CACNA2D3: variants seen among roughly 807,000 people sequenced by gnomAD.
CACNA2D3 encodes the protein voltage-dependent calcium channel subunit alpha-2/delta-3.
CACNA2D3 carries 60 observed loss-of-function variants against 160.6 expected under a neutral mutation model. The observed-to-expected ratio is 0.37, with a 90% CI of 0.30 to 0.46. The LOEUF is 0.46. Among genes scored for constraint, CACNA2D3 ranks in the 20% least tolerant of loss-of-function variants. The pLI, the probability that CACNA2D3 is intolerant of heterozygous loss-of-function variation, is 1.00. For missense variants in CACNA2D3, 1,205 were observed against 1,365.0 expected, an observed-to-expected ratio of 0.88 and a Z score of 1.85; for synonymous variants, 558 against 492.9, an observed-to-expected ratio of 1.13 and a Z score of -1.75.
At chr3:55,014,205 T>C (rs964771337) in intron 34 of CACNA2D3, among the ~76,000 whole-genome samples, 1 of 152,208 alleles carries the variant, frequency 6.6e-6, no homozygotes, top group Non-Finnish European at 1.5e-5. Context: ...GGGTTTGGCA[T>C]GTAGTAAGTG....
At chr3:54,562,710 G>A (rs757961741) in intron 5 of CACNA2D3, 90 bp from the exon 6 acceptor site, 7 of 1,108,028 alleles carry the variant, frequency 6.3e-6, no homozygotes, top group Admixed American at 5.9e-5. Context: ...AGTACCTTGT[G>A]CCAGTATCTG....
intron 4 of CACNA2D3, among the ~76,000 whole-genome samples, chr3:54,427,309 G>A (rs978309567): frequency 2.6e-5 from 4 of 152,022 alleles, no homozygotes; most frequent in East Asian, 1.9e-4. Context: ...CAAACATCTC[G>A]GACACATGTG....
chr3:54,857,812 C>T (rs1349249975), intron 17 of CACNA2D3, among the ~76,000 whole-genome samples: 2 of 152,108 alleles, frequency 1.3e-5, no homozygotes, highest in Non-Finnish European at 2.9e-5. Context: ...AACACCATGG[C>T]GTTGAGCATG....
At chr3:54,778,360 G>A (rs1188401237) in intron 13 of CACNA2D3, among the ~76,000 whole-genome samples, 1 of 151,894 alleles carries the variant, frequency 6.6e-6, no homozygotes, top group Non-Finnish European at 1.5e-5. Flanking sequence ...CACATTTATA[G>A]TCTCTAGAAC....
At chr3:54,498,002 A>G (rs1284003342) in intron 4 of CACNA2D3, among the ~76,000 whole-genome samples, 1 of 151,396 alleles carries the variant, frequency 6.6e-6, no homozygotes, top group Non-Finnish European at 1.5e-5. Context: ...AAATTTTGTT[A>G]AGATTTTTGT....
chr3:54,920,371 A>G (rs1165045416), intron 27 of CACNA2D3, among the ~76,000 whole-genome samples: 2 of 152,192 alleles, frequency 1.3e-5, no homozygotes, highest in East Asian at 1.9e-4. Flanking sequence ...AATTCAACCC[A>G]TGTCCTTTTT....
chr3:54,428,638 C>T (rs1222882049), intron 4 of CACNA2D3, among the ~76,000 whole-genome samples: 3 of 151,630 alleles, frequency 2.0e-5, no homozygotes, highest in Non-Finnish European at 4.4e-5. Flanking sequence ...CCCAAATGGG[C>T]CTTATTTCTG....
intron 2 of CACNA2D3, among the ~76,000 whole-genome samples, chr3:54,145,873 G>A (rs972065767): frequency 8.5e-5 from 13 of 152,110 alleles, no homozygotes; most frequent in South Asian, 2.1e-4. Context: ...TAGCCTTCAC[G>A]TCTCTTAATA....
At chr3:54,265,610 GTGTGTA>G (rs1575353963) in intron 2 of CACNA2D3, among the ~76,000 whole-genome samples, 1 of 132,036 alleles carries the variant, frequency 7.6e-6, no homozygotes, top group East Asian at 2.2e-4. Flanking sequence ...TATATATATA[GTGTGTA>G]TATATATATA....
chr3:54,728,370 A>G (rs1381631693), intron 11 of CACNA2D3, among the ~76,000 whole-genome samples: 2 of 152,202 alleles, frequency 1.3e-5, no homozygotes, highest in African/African-American at 4.8e-5. Flanking sequence ...TTAAATAGAT[A>G]TGATGAATTC....
intron 11 of CACNA2D3, among the ~76,000 whole-genome samples, chr3:54,657,566 T>C (rs1014651415): frequency 6.6e-6 from 1 of 152,182 alleles, no homozygotes; most frequent in Non-Finnish European, 1.5e-5. Flanking sequence ...GCCACCATTT[T>C]GTTATCTACT....
intron 2 of CACNA2D3, among the ~76,000 whole-genome samples, chr3:54,298,282 T>G (rs1272165921): frequency 1.3e-5 from 2 of 152,262 alleles, no homozygotes; most frequent in East Asian, 3.9e-4. Context: ...TAATGTGACC[T>G]GCTTTTACTT....
At chr3:54,295,821 T>G (rs1052110910) in intron 2 of CACNA2D3, among the ~76,000 whole-genome samples, 2 of 152,344 alleles carry the variant, frequency 1.3e-5, no homozygotes, top group Middle Eastern at 3.4e-3. Flanking sequence ...TATAAATTTT[T>G]GTAGTTATCT....
At chr3:54,913,986 C>T (rs1700610627) in intron 27 of CACNA2D3, among the ~76,000 whole-genome samples, 1 of 152,114 alleles carries the variant, frequency 6.6e-6, no homozygotes, top group South Asian at 2.1e-4. Flanking sequence ...GTTGTAATTG[C>T]CCTTATCCAA....
At chr3:54,252,675 G>C (rs1270158453) in intron 2 of CACNA2D3, among the ~76,000 whole-genome samples, 1 of 152,094 alleles carries the variant, frequency 6.6e-6, no homozygotes, top group Non-Finnish European at 1.5e-5. Context: ...TTCTCCCCAG[G>C]GACCAGCCGT....
chr3:54,434,706 A>C (rs997199031), intron 4 of CACNA2D3, among the ~76,000 whole-genome samples: 2 of 152,202 alleles, frequency 1.3e-5, no homozygotes, highest in Non-Finnish European at 2.9e-5. Flanking sequence ...CCCAACCAGG[A>C]GGGTCTCCAT....
intron 2 of CACNA2D3, among the ~76,000 whole-genome samples, chr3:54,136,901 C>T (rs79943418): frequency 0.064 from 9,749 of 152,288 alleles, 361 homozygotes; most frequent in South Asian, 0.14. Flanking sequence ...CCGTGGACCA[C>T]GCTTTGAGAG....
At chr3:54,316,423 T>C (rs900043744) in intron 2 of CACNA2D3, among the ~76,000 whole-genome samples, 16 of 152,208 alleles carry the variant, frequency 1.1e-4, no homozygotes, top group Non-Finnish European at 1.9e-4. Context: ...GCATTATATT[T>C]TTCTAATGTG....
At chr3:54,263,317 T>C (rs1336246523) in intron 2 of CACNA2D3, among the ~76,000 whole-genome samples, 1 of 152,202 alleles carries the variant, frequency 6.6e-6, no homozygotes, top group Non-Finnish European at 1.5e-5. Context: ...TAGTCAGAAA[T>C]AGTATACATG....
Sources: allele counts gnomAD v4.1 joint callset (sites outside exome capture counted in the v4.1 genomes callset), GRCh38; gene constraint gnomAD v4.1.1; transcripts MANE v1.5; gene names NCBI Gene and HGNC (gene_info 2026-07-23, HGNC 2026-07-21).